The following ZC4H2 variants were observed in gnomAD, a reference collection of about 807,000 sequenced individuals.
ZC4H2 encodes zinc finger C4H2 domain-containing protein.
For synonymous variants in ZC4H2, 84 were observed against 66.3 expected, an observed-to-expected ratio of 1.27 and a Z score of -1.30; for missense variants, 137 against 173.9, an observed-to-expected ratio of 0.79 and a Z score of 1.19.
At chrX:64,960,315 T>A (rs959524429) in intron 1 of ZC4H2, among the ~76,000 whole-genome samples, 6 of 110,811 alleles carry the variant, frequency 5.4e-5, no homozygotes, top group Non-Finnish European at 1.1e-4. Context: ...CGTTTTAATT[T>A]TTTTTTAATG....
In ZC4H2 at chrX:64,916,878, C is replaced by CGAGAGGAG. The variant is rs1928956938; in HGVS notation, c.*904_*905insCTCCTCTC. On this transcript the variant is annotated 3_prime_UTR_variant, in exon 5 of 5. Coordinates refer to ENST00000374839, the MANE Select transcript of ZC4H2 (RefSeq NM_018684.4). Reference sequence around the variant, plus strand: ...TAAAGTGATTGGCATTTACTCAAATCTAAATCTACTCCTCTCCTCCCTGCA... The same window carrying CGAGAGGAG: ...TAAAGTGATTGGCATTTACTCAAATCGAGAGGAGTAAATCTACTCCTCTCCTCCCTGCA... 1 of 112,191 alleles carries CGAGAGGAG rather than the reference C, an allele frequency of 8.9e-6. No homozygotes were observed. Among genetic ancestry groups the CGAGAGGAG allele is most frequent in the African/African-American group, 3.3e-5 (1 of 30,756 alleles). The allele number at this position is 112,191 out of a possible 1,213,427, so 9.2% of individuals were successfully genotyped here.
chrX:64,951,068 G>T (rs1930798263), intron 1 of ZC4H2, among the ~76,000 whole-genome samples: 1 of 110,686 alleles, frequency 9.0e-6, no homozygotes. Context: ...TTGGTTTTTT[G>T]TCCTTGCGAT....
intron 1 of ZC4H2, among the ~76,000 whole-genome samples, chrX:64,944,291 C>T (rs1029432868): frequency 9.2e-6 from 1 of 108,896 alleles, no homozygotes; most frequent in African/African-American, 3.3e-5. Flanking sequence ...CAGGTGCCTG[C>T]CACCATGCCT....
intron 1 of ZC4H2, among the ~76,000 whole-genome samples, chrX:64,935,907 C>A (rs748245936): frequency 5.5e-4 from 61 of 111,152 alleles, no homozygotes; most frequent in Non-Finnish European, 9.6e-4. Flanking sequence ...GGAACAAAAC[C>A]AGATGGAGAA....
rs1037982771 is a variant in ZC4H2 at position 64,916,895 on chromosome X, C to T, written c.*888G>A. 3 of 112,167 alleles carry T rather than the reference C, an allele frequency of 2.7e-5. No homozygotes were observed. Among genetic ancestry groups the T allele is most frequent in the African/African-American group, 9.7e-5 (3 of 30,783 alleles). 9.2% of individuals were successfully genotyped at this position (112,167 alleles called of 1,213,427 possible). ...ACTCAAATCTAAATCTACTCCTCTC[C>T]TCCCTGCAATATACCATTGAGCATG... On this transcript the variant is annotated 3_prime_UTR_variant, in exon 5 of 5. Transcript: ENST00000374839.
At chrX:64,932,695 C>T (rs1484110942) in intron 1 of ZC4H2, among the ~76,000 whole-genome samples, 1 of 111,426 alleles carries the variant, frequency 9.0e-6, no homozygotes, top group Non-Finnish European at 1.9e-5. Context: ...GACTCCAATC[C>T]CTTCTGACTT....
chrX:65,001,741 G>A (rs1932540702), intron 1 of ZC4H2, among the ~76,000 whole-genome samples: 1 of 111,872 alleles, frequency 8.9e-6, no homozygotes, highest in African/African-American at 3.2e-5. Context: ...TAAAGAGATG[G>A]AGGAATATTT....
At chrX:64,988,037 A>C (rs1307216191) in intron 1 of ZC4H2, among the ~76,000 whole-genome samples, 1 of 108,565 alleles carries the variant, frequency 9.2e-6, no homozygotes, top group Non-Finnish European at 1.9e-5. Context: ...CTCCAGCTTC[A>C]TCCATGTCCC....
chrX:65,012,599 C>T (rs1180764485), intron 1 of ZC4H2, among the ~76,000 whole-genome samples: 8 of 112,103 alleles, frequency 7.1e-5, no homozygotes, highest in Admixed American at 1.9e-4. Flanking sequence ...GTTCACTATC[C>T]GAGTGTGCTT....
intron 1 of ZC4H2, among the ~76,000 whole-genome samples, chrX:65,022,599 T>C (rs1275898175): frequency 9.0e-6 from 1 of 111,140 alleles, no homozygotes; most frequent in Non-Finnish European, 1.9e-5. Flanking sequence ...GAAAGCAAAG[T>C]CTTAGGATAC....
upstream of ZC4H2, chrX:64,976,549 C>A: frequency 2.1e-6 from 1 of 478,601 alleles, no homozygotes; most frequent in Non-Finnish European, 3.6e-6. Flanking sequence ...CCAGGAAGCC[C>A]GGGGGCCTGT....
chrX:64,967,564 C>A (rs1257848633), intron 1 of ZC4H2, among the ~76,000 whole-genome samples: 1 of 111,951 alleles, frequency 8.9e-6, no homozygotes, highest in Admixed American at 9.5e-5. Context: ...AGTGGGACCC[C>A]CAGAGTCATT....
chrX:64,992,164 G>A (rs186092667), intron 1 of ZC4H2, among the ~76,000 whole-genome samples: 4 of 111,509 alleles, frequency 3.6e-5, no homozygotes, highest in African/African-American at 6.5e-5. Context: ...TGAAATTTAC[G>A]GTGAGTTATA....
intron 1 of ZC4H2, among the ~76,000 whole-genome samples, chrX:64,938,585 C>A (rs926869775): frequency 8.9e-6 from 1 of 111,891 alleles, no homozygotes; most frequent in Non-Finnish European, 1.9e-5. Context: ...AGCTTATCCA[C>A]TACGATCAAG....
At chrX:64,924,591 T>C (rs1333722289) in intron 1 of ZC4H2, among the ~76,000 whole-genome samples, 1 of 110,615 alleles carries the variant, frequency 9.0e-6, no homozygotes, top group Non-Finnish European at 1.9e-5. Flanking sequence ...CACTATAGGG[T>C]AAAGGGGACA....
At chrX:65,006,133 T>C (rs1423468585) in intron 1 of ZC4H2, among the ~76,000 whole-genome samples, 2 of 111,718 alleles carry the variant, frequency 1.8e-5, no homozygotes, top group Non-Finnish European at 3.8e-5. Flanking sequence ...AGTTCAACCA[T>C]TGTGGAAGAC....
At chrX:65,017,323 C>T (rs1422573987) in intron 1 of ZC4H2, among the ~76,000 whole-genome samples, 3 of 112,180 alleles carry the variant, frequency 2.7e-5, no homozygotes, top group Non-Finnish European at 5.6e-5. Flanking sequence ...CATTTACTTG[C>T]TATTTTATTT....
At chrX:64,957,347 AATTCATGAATC>A (rs1157851338) in intron 1 of ZC4H2, among the ~76,000 whole-genome samples, 1 of 111,931 alleles carries the variant, frequency 8.9e-6, no homozygotes, top group Non-Finnish European at 1.9e-5. Context: ...AGGGCTGCCC[AATTCATGAATC>A]ATTCATTGCT....
intron 1 of ZC4H2, among the ~76,000 whole-genome samples, chrX:64,932,973 GTTCT>G (rs1321854283): frequency 4.5e-5 from 5 of 111,137 alleles, no homozygotes; most frequent in Admixed American, 2.9e-4. Context: ...TTAGATTTCT[GTTCT>G]TTCTTAGAAT....
Sources: allele counts gnomAD v4.1 joint callset (sites outside exome capture counted in the v4.1 genomes callset), GRCh38; gene constraint gnomAD v4.1.1; transcripts MANE v1.5; gene names NCBI Gene and HGNC (gene_info 2026-07-23, HGNC 2026-07-21).